The following WSCD2 variants were observed in gnomAD, a reference collection of about 807,000 sequenced individuals.
The protein encoded by WSCD2 is WSC domain sialate O sulfotransferase 2, also known as sialate:O-sulfotransferase 2.
Under a neutral mutation model 55.7 loss-of-function variants are expected in WSCD2, and 28 were observed. That is an observed-to-expected ratio of 0.50 (90% CI 0.37 to 0.69). WSCD2 has a LOEUF of 0.69. WSCD2 is among the 30% of genes least tolerant of loss of function. WSCD2 has a pLI of 0.00. For missense variants in WSCD2, 616 were observed against 762.1 expected, an observed-to-expected ratio of 0.81 and a Z score of 2.26; for synonymous variants, 301 against 301.9, an observed-to-expected ratio of 1.00 and a Z score of 0.03.
chr12:108,136,772 G>A lies in WSCD2; in HGVS notation c.-552+6846G>A, dbSNP rs548877089. Among the ~76,000 whole-genome samples, 4 of 150,646 alleles carry A rather than the reference G, an allele frequency of 2.7e-5. 1 individual carries two copies. In the South Asian group the frequency reaches 6.2e-4, roughly 23 times the overall value. ...CTGCCTCCCCGCTCTGTCTTTCCCA[G>A]GTGGGGGTGATGCACGGTTTCAGGA... On this transcript the variant is annotated intron_variant, in intron 1 of 8. Transcript: ENST00000547525.
In WSCD2 at chr12:108,199,201, G is replaced by A. The variant is rs535019995; in HGVS notation, c.382+2987G>A. ...AGGAAAGACAACATATTAGATTAAC[G>A]CTAATAAAAATGAGACACTTCTCCG... is the stretch of plus-strand genomic sequence containing the variant. On this transcript the variant is annotated intron_variant, in intron 2 of 8. Coordinates refer to ENST00000547525, the MANE Select transcript of WSCD2 (RefSeq NM_014653.4). Among the ~76,000 whole-genome samples the A allele has an allele frequency of 2.2e-3, 336 of 152,264 alleles. 1 individual carries two copies. Among genetic ancestry groups the A allele is most frequent in the Admixed American group, 3.7e-3 (57 of 15,294 alleles).
Position 108,196,328 on chromosome 12 carries a change from T to C in WSCD2, c.382+114T>C, listed in dbSNP as rs117976129. The stretch of plus-strand genomic sequence containing the variant: ...TTAATAGGAACCAGCTGTCATATCA[T>C]TGTAGCTATAAATAGTGCCTGCCAT... On this transcript the variant is annotated intron_variant, in intron 2 of 8. Transcript: ENST00000547525. 1.7e-5 allele frequency: 24 copies of C among 1,399,080 alleles called. No homozygotes were observed. In the East Asian group the frequency reaches 5.5e-4, roughly 32 times the overall value. The allele number at this position is 1,399,080 out of a possible 1,614,324, so 86.7% of individuals were successfully genotyped here. A position where few individuals can be genotyped will look rare whatever the true frequency, so the allele number is the denominator to read the frequency against.
chr12:108,131,924 T>C (rs1212747936), intron 1 of WSCD2: 1 of 152,274 alleles, frequency 6.6e-6, no homozygotes. Context: ...AAGTTCAGAA[T>C]GTCTGCGTGT....
intron 8 of WSCD2, among the ~76,000 whole-genome samples, chr12:108,246,282 A>G (rs1025856463): frequency 8.5e-5 from 13 of 152,216 alleles, no homozygotes; most frequent in African/African-American, 2.9e-4. Flanking sequence ...GCAAGGGACT[A>G]GGACTTAATT....
intron 2 of WSCD2, among the ~76,000 whole-genome samples, chr12:108,200,118 G>A (rs1884469332): frequency 6.6e-6 from 1 of 152,192 alleles, no homozygotes. Flanking sequence ...CTTGGGCTGG[G>A]TGTGAAGGTG....
chr12:108,195,577 CA>C lies in WSCD2; in HGVS notation c.-252del, dbSNP rs931614172. The C allele has an allele frequency of 6.9e-5, 36 of 525,508 alleles. No homozygotes were observed. The highest frequency in any genetic ancestry group is 1.1e-4 in the Non-Finnish European group (32 of 300,556). The allele number at this position is 525,508 out of a possible 1,614,324, so 32.6% of individuals were successfully genotyped here. Reference sequence around the variant, plus strand: ...ACCAACTTATGTGTGTTCTGAGCCTCAAAACCCCCTTGTTGGCCCAAAGAAG... The same window carrying C: ...ACCAACTTATGTGTGTTCTGAGCCTCAAACCCCCTTGTTGGCCCAAAGAAG... On this transcript the variant is annotated 5_prime_UTR_variant, in exon 2 of 9. An upstream open reading frame in the 5' UTR gains an earlier in-frame stop. Coordinates refer to ENST00000547525, the MANE Select transcript of WSCD2 (RefSeq NM_014653.4).
chr12:108,233,350 C>T (rs1461804909), intron 7 of WSCD2, among the ~76,000 whole-genome samples: 4 of 152,218 alleles, frequency 2.6e-5, no homozygotes, highest in African/African-American at 9.6e-5. Context: ...CGACAATATT[C>T]GCTATGCAGG....
chr12:108,212,547 C>G (rs1886326124), intron 4 of WSCD2, among the ~76,000 whole-genome samples: 1 of 151,780 alleles, frequency 6.6e-6, no homozygotes, highest in Non-Finnish European at 1.5e-5. Context: ...CTTTCTCTCC[C>G]CCACCTTCCT....
chr12:108,146,255 A>G (rs1479223199), intron 1 of WSCD2, among the ~76,000 whole-genome samples: 2 of 152,168 alleles, frequency 1.3e-5, no homozygotes, highest in Non-Finnish European at 2.9e-5. Flanking sequence ...CAGGACCATC[A>G]TTGGTTGGGC....
At chr12:108,142,739 C>A (rs1876963759) in intron 1 of WSCD2, among the ~76,000 whole-genome samples, 1 of 152,182 alleles carries the variant, frequency 6.6e-6, no homozygotes, top group Non-Finnish European at 1.5e-5. Context: ...AGGAGCTTGA[C>A]ATCTTACAGG....
At chr12:108,201,604 G>A (rs118149350) in intron 2 of WSCD2, among the ~76,000 whole-genome samples, 95 of 152,186 alleles carry the variant, frequency 6.2e-4, no homozygotes, top group Non-Finnish European at 1.2e-3. Flanking sequence ...ACTGCACCCC[G>A]AAGAGCTTGA....
chr12:108,219,322 A>G (rs1887207835), intron 4 of WSCD2, among the ~76,000 whole-genome samples: 1 of 152,214 alleles, frequency 6.6e-6, no homozygotes, highest in African/African-American at 2.4e-5. Context: ...AGCACGGTCC[A>G]CAGGATCACA....
chr12:108,216,771 A>G (rs1886881275), intron 4 of WSCD2, among the ~76,000 whole-genome samples: 1 of 152,168 alleles, frequency 6.6e-6, no homozygotes, highest in African/African-American at 2.4e-5. Context: ...TGAGGAGCAG[A>G]AAGCTGCTGT....
rs758354260 is a variant in WSCD2, at chr12:108,210,238, C to T, written c.615C>T (p.Ser205=). The T allele has an allele frequency of 2.1e-5, 33 of 1,607,662 alleles. No individual in the cohort carries two copies. The East Asian group carries it at 4.2e-4, about 21-fold the overall frequency. Residue 205 remains serine, a synonymous_variant, in exon 4 of 9, where the codon AGC becomes AGT. Transcript: ENST00000547525. The surrounding 1 kb of genome is among the most constrained non-coding windows in gnomAD (Gnocchi z 4.3). ...CDMECKGERG[S]VCGGANRLSV... ...TGGAGTGCAAGGGCGAGCGAGGCAG[C>T]GTGTGCGGCGGCGCCAACCGCCTCT...
chr12:108,184,972 G>A (rs570684519), intron 1 of WSCD2, among the ~76,000 whole-genome samples: 3 of 152,254 alleles, frequency 2.0e-5, no homozygotes, highest in East Asian at 1.9e-4. Context: ...AGAGGGACAG[G>A]GTGAACTCCT....
At chr12:108,226,584 G>A (rs1276754129) in intron 5 of WSCD2, among the ~76,000 whole-genome samples, 1 of 152,168 alleles carries the variant, frequency 6.6e-6, no homozygotes, top group East Asian at 1.9e-4. Flanking sequence ...AGGAAAAATG[G>A]AGCCAGCCCC....
At chr12:108,167,892 A>T (rs1180274856) in intron 1 of WSCD2, among the ~76,000 whole-genome samples, 1 of 152,236 alleles carries the variant, frequency 6.6e-6, no homozygotes, top group Non-Finnish European at 1.5e-5. Flanking sequence ...AACCCCATGC[A>T]AGCCCCACTG....
chr12:108,141,866 A>G, intron 1 of WSCD2, among the ~76,000 whole-genome samples: 1 of 152,178 alleles, frequency 6.6e-6, no homozygotes, highest in East Asian at 1.9e-4. Flanking sequence ...GAATGATTCC[A>G]TTAAACCCTG....
intron 8 of WSCD2, among the ~76,000 whole-genome samples, chr12:108,242,798 T>C (rs141712982): frequency 6.6e-6 from 1 of 152,312 alleles, no homozygotes; most frequent in East Asian, 1.9e-4. Context: ...CCCACTCTTT[T>C]TCCTTATTCA....
Sources: allele counts gnomAD v4.1 joint callset (sites outside exome capture counted in the v4.1 genomes callset), GRCh38; gene constraint gnomAD v4.1.1; non-coding constraint Gnocchi (gnomAD v3.1); transcripts MANE v1.5; gene names NCBI Gene and HGNC (gene_info 2026-07-23, HGNC 2026-07-21).